Variants in RHOJ observed in about 807,000 individuals in gnomAD.
RHOJ encodes rho-related GTP-binding protein RhoJ.
RHOJ carries 11 observed loss-of-function variants against 23.4 expected under a neutral mutation model. The observed-to-expected ratio is 0.47, with a 90% CI of 0.30 to 0.78. RHOJ has a LOEUF of 0.78. Ranked by LOEUF, RHOJ falls within the 30% of genes least tolerant of loss-of-function variation. RHOJ has a pLI of 0.08. For missense variants in RHOJ, 254 were observed against 273.4 expected (o/e 0.93, Z 0.50); for synonymous variants, 102 against 102.7 (o/e 0.99, Z 0.04).
intron 1 of RHOJ, among the ~76,000 whole-genome samples, chr14:63,253,355 A>G (rs1424815762): frequency 6.6e-6 from 1 of 152,146 alleles, no homozygotes; most frequent in East Asian, 1.9e-4. Context: ...TATAACGTCA[A>G]ACTCCTGGGT....
At chr14:63,261,408 A>G (rs1266190149) in intron 1 of RHOJ, among the ~76,000 whole-genome samples, 1 of 151,770 alleles carries the variant, frequency 6.6e-6, no homozygotes, top group African/African-American at 2.4e-5. Context: ...CTAACCACCT[A>G]TGCTAACATT....
chr14:63,214,473 T>C (rs1166816286), intron 1 of RHOJ, among the ~76,000 whole-genome samples: 1 of 152,184 alleles, frequency 6.6e-6, no homozygotes, highest in South Asian at 2.1e-4. Flanking sequence ...AAAACAGATA[T>C]GCATGTAAAA....
intron 1 of RHOJ, among the ~76,000 whole-genome samples, chr14:63,232,344 A>T (rs556589678): frequency 2.0e-5 from 3 of 152,228 alleles, no homozygotes; most frequent in Non-Finnish European, 2.9e-5. Context: ...CATTTTGCTG[A>T]TCCAATATAA....
chr14:63,207,363 C>G (rs10782450), intron 1 of RHOJ, among the ~76,000 whole-genome samples: 28,675 of 152,160 alleles, frequency 0.19, 3,224 homozygotes, highest in Non-Finnish European at 0.26. Context: ...GAGGGATCTT[C>G]TCCACCACAA....
rs752154425 is a variant in RHOJ, at chr14:63,216,557, G to GCT, written c.178+11518_178+11519dup. On this transcript the variant is annotated intron_variant, in intron 1 of 4. Coordinates refer to ENST00000316754, the MANE Select transcript of RHOJ (RefSeq NM_020663.5). The stretch of plus-strand genomic sequence containing the variant: ...ATTATTAGGAGGAAAACAAGGCTAT[G>GCT]CTCTCTCTCCTCAGGAGTCCTCCTC... Among the ~76,000 whole-genome samples, 3 of 152,298 alleles carry GCT rather than the reference G, an allele frequency of 2.0e-5. No homozygotes were observed. In the South Asian group the frequency reaches 6.2e-4, roughly 32 times the overall value.
chr14:63,252,303 G>A (rs915261941), intron 1 of RHOJ, among the ~76,000 whole-genome samples: 7 of 152,092 alleles, frequency 4.6e-5, no homozygotes, highest in Non-Finnish European at 8.8e-5. Flanking sequence ...TAGGATGTGG[G>A]CATCTTTGGG....
intron 4 of RHOJ, 142 bp downstream of exon 4, chr14:63,283,358 T>C: frequency 1.4e-6 from 1 of 693,478 alleles, no homozygotes. Flanking sequence ...ATTCTCCCCC[T>C]CTGTTCTAGT....
At chr14:63,277,349 G>A in intron 2 of RHOJ, among the ~76,000 whole-genome samples, 1 of 152,174 alleles carries the variant, frequency 6.6e-6, no homozygotes, top group East Asian at 1.9e-4. Flanking sequence ...CTCCATTAAT[G>A]TTGGAGATGA....
intron 1 of RHOJ, among the ~76,000 whole-genome samples, chr14:63,267,606 T>A (rs1895390931): frequency 6.6e-6 from 1 of 152,226 alleles, no homozygotes; most frequent in African/African-American, 2.4e-5. Flanking sequence ...CAGAAACATC[T>A]GACTGGGCTC....
At chr14:63,234,998 TTA>T in intron 1 of RHOJ, among the ~76,000 whole-genome samples, 1 of 152,264 alleles carries the variant, frequency 6.6e-6, no homozygotes, top group Non-Finnish European at 1.5e-5. Context: ...CAAAATACTG[TTA>T]TGTTTCCTGC....
intron 1 of RHOJ, among the ~76,000 whole-genome samples, chr14:63,252,956 T>C (rs1401358335): frequency 6.6e-6 from 1 of 152,240 alleles, no homozygotes; most frequent in East Asian, 1.9e-4. Context: ...AGATCATTTC[T>C]AACAGACAAA....
intron 1 of RHOJ, among the ~76,000 whole-genome samples, chr14:63,234,434 C>T (rs75359512): frequency 0.072 from 10,922 of 152,106 alleles, 551 homozygotes; most frequent in East Asian, 0.22. Flanking sequence ...CATAACAATG[C>T]CTTGGATAAG....
chr14:63,236,139 T>C lies in RHOJ; in HGVS notation c.178+31092T>C, dbSNP rs147700997. ...TTCTTACTCTGACCCTACAGAATTC[T>C]CTTTTACGGCCAACAAGTTCCAAGA... On this transcript the variant is annotated intron_variant, in intron 1 of 4. Transcript: ENST00000316754. Among the ~76,000 whole-genome samples, 241 of 152,330 alleles carry C rather than the reference T, an allele frequency of 1.6e-3. 1 individual carries two copies. The highest frequency in any genetic ancestry group is 5.5e-3 in the African/African-American group (229 of 41,596).
At chr14:63,276,968 A>G (rs934264816) in intron 2 of RHOJ, among the ~76,000 whole-genome samples, 1 of 152,224 alleles carries the variant, frequency 6.6e-6, no homozygotes, top group African/African-American at 2.4e-5. Flanking sequence ...TCTGAAGCAG[A>G]TGCAGGCCAT....
chr14:63,223,148 T>C (rs979670424), intron 1 of RHOJ, among the ~76,000 whole-genome samples: 1 of 152,230 alleles, frequency 6.6e-6, no homozygotes, highest in African/African-American at 2.4e-5. Flanking sequence ...ATGCTCCATC[T>C]TGGAGGCACT....
chr14:63,219,199 A>G (rs986619875), intron 1 of RHOJ, among the ~76,000 whole-genome samples: 2 of 152,112 alleles, frequency 1.3e-5, no homozygotes, highest in Non-Finnish European at 2.9e-5. Flanking sequence ...ATTCCCATAA[A>G]CCCTGCAATT....
At chr14:63,280,652 A>G (rs774239548) in intron 2 of RHOJ, among the ~76,000 whole-genome samples, 7 of 152,222 alleles carry the variant, frequency 4.6e-5, no homozygotes, top group Non-Finnish European at 1.0e-4. Flanking sequence ...AATGTATACA[A>G]TTTAAAAATA....
At chr14:63,262,885 A>G (rs1594770564) in intron 1 of RHOJ, among the ~76,000 whole-genome samples, 1 of 152,380 alleles carries the variant, frequency 6.6e-6, no homozygotes, top group East Asian at 1.9e-4. Context: ...ATTATAGGGT[A>G]GAAAATGACT....
intron 4 of RHOJ, 140 bp downstream of exon 4, chr14:63,283,356 CCT>C: frequency 2.8e-6 from 2 of 720,560 alleles, no homozygotes; most frequent in East Asian, 2.7e-5. Flanking sequence ...CTATTCTCCC[CCT>C]CTGTTCTAGT....
Sources: gnomAD v4.1 joint callset for allele counts (sites outside exome capture counted in the v4.1 genomes callset) on GRCh38, gnomAD v4.1.1 for gene constraint, MANE v1.5 for transcripts, NCBI Gene and HGNC (gene_info 2026-07-23, HGNC 2026-07-21) for gene names.